TENM2: variants seen among roughly 807,000 people sequenced by gnomAD.
The protein encoded by TENM2 is teneurin transmembrane protein 2, also known as teneurin-2.
Under a neutral mutation model 245.2 loss-of-function variants are expected in TENM2, and 52 were observed. That is an observed-to-expected ratio of 0.21 (90% CI 0.17 to 0.27). The LOEUF (loss-of-function observed/expected upper bound fraction) is 0.27. Among genes scored for constraint, TENM2 ranks in the 10% least tolerant of loss-of-function variants. TENM2 has a pLI of 1.00. For missense variants in TENM2, 3,046 were observed against 3,666.8 expected, an observed-to-expected ratio of 0.83 and a Z score of 4.37; for synonymous variants, 1,363 against 1,438.9, an observed-to-expected ratio of 0.95 and a Z score of 1.19.
At chr5:167,122,056 G>T in the TENM2 span, among the ~76,000 whole-genome samples, 2 of 152,126 alleles carry the variant, frequency 1.3e-5, no homozygotes, top group Non-Finnish European at 2.9e-5. Flanking sequence ...GAGGCAGAAA[G>T]ATTAAATTAC....
At chr5:167,613,690 C>T (rs1222863353) in intron 2 of TENM2, among the ~76,000 whole-genome samples, 1 of 152,094 alleles carries the variant, frequency 6.6e-6, no homozygotes, top group African/African-American at 2.4e-5. Context: ...CAGGACAGGA[C>T]AGTTGGTTTT....
Position 168,030,436 on chromosome 5 carries a change from C to G in TENM2, c.1187-16991C>G, listed in dbSNP as rs996717472. On this transcript the variant is annotated intron_variant, in intron 5 of 28. Coordinates refer to ENST00000518659, the Ensembl canonical transcript of TENM2. Reference sequence around the variant, plus strand: ...TGGTTCTCAAACTTGAGCATTCATCCGAATCACCTGGAAGGCTCATTAACA... The same window carrying G: ...TGGTTCTCAAACTTGAGCATTCATCGGAATCACCTGGAAGGCTCATTAACA... Among the ~76,000 whole-genome samples, 6 of 152,046 alleles carry G rather than the reference C, an allele frequency of 3.9e-5. No individual in the cohort carries two copies. The South Asian group carries it at 1.2e-3, about 32-fold the overall frequency.
Position 168,238,172 on chromosome 5 carries a change from AGAGAGAGAGAGAGGGAGGGAGG to A in TENM2, c.5521-6244_5521-6223del, listed in dbSNP as rs1325284964. Among the ~76,000 whole-genome samples the A allele has an allele frequency of 1.3e-3, 99 of 77,096 alleles. 3 individuals are homozygous for A. Among genetic ancestry groups the A allele is most frequent in the African/African-American group, 8.7e-3 (94 of 10,766 alleles). 50.6% of individuals were successfully genotyped at this position (77,096 alleles called of 152,430 possible). A position where few individuals can be genotyped will look rare whatever the true frequency, so the allele number is the denominator to read the frequency against. ...GAAAGAAAGAAAGAGAGAGAGAGAG[AGAGAGAGAGAGAGGGAGGGAGG>A]GAGGGAGGGAGGGAGGGAGGGAGAG... On this transcript the variant is annotated intron_variant, in intron 25 of 28. Coordinates refer to ENST00000518659, the Ensembl canonical transcript of TENM2.
At chr5:167,373,948 G>A (rs1760591328) in intron 1 of TENM2, among the ~76,000 whole-genome samples, 1 of 152,154 alleles carries the variant, frequency 6.6e-6, no homozygotes, top group East Asian at 1.9e-4. Context: ...TTTGCTCCCT[G>A]TCAGATCATG....
At chr5:167,430,338 G>A (rs547251364) in intron 2 of TENM2, among the ~76,000 whole-genome samples, 3 of 152,074 alleles carry the variant, frequency 2.0e-5, no homozygotes, top group Non-Finnish European at 4.4e-5. Context: ...AATAATCAAC[G>A]TAATGTGCTT....
At chr5:168,079,247 A>G (rs1791756863) in intron 7 of TENM2, among the ~76,000 whole-genome samples, 3 of 152,178 alleles carry the variant, frequency 2.0e-5, no homozygotes, top group Non-Finnish European at 4.4e-5. Context: ...TTATTGGTGT[A>G]TAGGAATTCT....
At chr5:167,561,279 T>C (rs1322308391) in intron 2 of TENM2, among the ~76,000 whole-genome samples, 1 of 152,220 alleles carries the variant, frequency 6.6e-6, no homozygotes, top group East Asian at 1.9e-4. Flanking sequence ...CATTCTTTAA[T>C]ATCAAAGAGA....
the TENM2 span, among the ~76,000 whole-genome samples, chr5:167,256,398 G>T: frequency 6.6e-6 from 1 of 152,092 alleles, no homozygotes; most frequent in Non-Finnish European, 1.5e-5. Flanking sequence ...AAAGCAAAGG[G>T]GCAAAAGCTA....
chr5:167,874,394 A>G (rs2151376457), intron 2 of TENM2, among the ~76,000 whole-genome samples: 1 of 152,324 alleles, frequency 6.6e-6, no homozygotes, highest in South Asian at 2.1e-4. Flanking sequence ...AGAAAATACA[A>G]TTATAAAAGC....
intron 25 of TENM2, among the ~76,000 whole-genome samples, chr5:168,237,366 CAG>C (rs1403763755): frequency 6.6e-6 from 1 of 151,944 alleles, no homozygotes; most frequent in Non-Finnish European, 1.5e-5. Context: ...TTTAGATCAT[CAG>C]AGTTAGCAGG....
intron 2 of TENM2, among the ~76,000 whole-genome samples, chr5:167,571,565 C>T (rs1774264362): frequency 6.6e-6 from 1 of 152,110 alleles, no homozygotes; most frequent in South Asian, 2.1e-4. Context: ...AAATGATATC[C>T]ACTCAGGGAA....
chr5:168,200,007 G>A (rs758241122), exon 17 of TENM2: 1 of 1,613,982 alleles, frequency 6.2e-7, no homozygotes, highest in Non-Finnish European at 8.5e-7. Flanking sequence ...TTCACCTGAT[G>A]GTGGCTGTCG....
intron 2 of TENM2, among the ~76,000 whole-genome samples, chr5:167,627,673 T>G (rs996380141): frequency 1.3e-5 from 2 of 151,854 alleles, no homozygotes; most frequent in South Asian, 4.2e-4. Context: ...TTCTCCTGCC[T>G]CAGTCTCCCA....
At chr5:168,248,141 C>T in exon 27 of TENM2, 1 of 1,613,968 alleles carries the variant, frequency 6.2e-7, no homozygotes, top group Non-Finnish European at 8.5e-7. Flanking sequence ...TATTATGACT[C>T]CAACCCCGAC....
the TENM2 span, among the ~76,000 whole-genome samples, chr5:167,227,959 C>G: frequency 6.6e-6 from 1 of 151,498 alleles, no homozygotes; most frequent in Non-Finnish European, 1.5e-5. Context: ...TATTTTTTTT[C>G]TTTATTTCTG....
chr5:167,013,022 T>C, the TENM2 span, among the ~76,000 whole-genome samples: 13 of 152,260 alleles, frequency 8.5e-5, no homozygotes, highest in African/African-American at 2.9e-4. Flanking sequence ...GCTAAAGATA[T>C]GGGCAGGGGC....
At position 167,786,145 on chromosome 5, in the gene TENM2, G is replaced by T. The variant is rs374650244; in HGVS notation, c.503-89841G>T. ...GCCATGACCAAATGCCATGCTTAGA[G>T]TTCAACTTCTAGTTTTGGAAAACCA... is the stretch of plus-strand genomic sequence containing the variant. On this transcript the variant is annotated intron_variant, in intron 2 of 28. Coordinates refer to ENST00000518659, the Ensembl canonical transcript of TENM2. Among the ~76,000 whole-genome samples the T allele has an allele frequency of 4.6e-5, 7 of 152,220 alleles. No individual in the cohort carries two copies. In the East Asian group the frequency reaches 1.4e-3, roughly 29 times the overall value.
the TENM2 span, among the ~76,000 whole-genome samples, chr5:167,046,518 A>G: frequency 6.6e-6 from 1 of 152,146 alleles, no homozygotes; most frequent in Non-Finnish European, 1.5e-5. Context: ...ACACAGTGTG[A>G]ATCATTTATT....
intron 1 of TENM2, among the ~76,000 whole-genome samples, chr5:167,323,842 C>CA (rs901061336): frequency 6.6e-5 from 10 of 152,156 alleles, no homozygotes; most frequent in African/African-American, 2.4e-4. Context: ...ATATCAACGT[C>CA]ACCTGTGAAC....
Sources: allele counts gnomAD v4.1 joint callset (sites outside exome capture counted in the v4.1 genomes callset), GRCh38; gene constraint gnomAD v4.1.1; transcripts MANE v1.5; gene names NCBI Gene and HGNC (gene_info 2026-07-23, HGNC 2026-07-21).